Variants in TANGO6 observed in about 807,000 individuals in gnomAD.
TANGO6 encodes transport and golgi organization 6 homolog.
Under a neutral mutation model 114.2 loss-of-function variants are expected in TANGO6, and 90 were observed. That is an observed-to-expected ratio of 0.79 (90% confidence interval 0.66 to 0.94). The LOEUF (loss-of-function observed/expected upper bound fraction) is 0.94. TANGO6 is among the 40% of genes least tolerant of loss of function. TANGO6 has a pLI of 0.00. For synonymous variants in TANGO6, 477 were observed against 509.8 expected, an observed-to-expected ratio of 0.94 and a Z score of 0.87; for missense variants, 1,274 against 1,315.3, an observed-to-expected ratio of 0.97 and a Z score of 0.49.
At chr16:69,042,809 G>A (rs1959794294) in intron 17 of TANGO6, among the ~76,000 whole-genome samples, 1 of 152,168 alleles carries the variant, frequency 6.6e-6, no homozygotes, top group Non-Finnish European at 1.5e-5. Context: ...CAAAACTCTT[G>A]GCAAAGATGT....
chr16:68,972,670 T>G (rs1025649922), intron 14 of TANGO6, among the ~76,000 whole-genome samples: 3 of 152,160 alleles, frequency 2.0e-5, no homozygotes, highest in Non-Finnish European at 4.4e-5. Context: ...AAGAAAATCC[T>G]TGACTTTATT....
intron 15 of TANGO6, among the ~76,000 whole-genome samples, chr16:69,002,191 C>T (rs569846207): frequency 6.6e-6 from 1 of 152,204 alleles, no homozygotes; most frequent in South Asian, 2.1e-4. Flanking sequence ...TAGGTCCTCT[C>T]ATGTGAGCAT....
chr16:68,871,579 G>A (rs1962268805), intron 4 of TANGO6, among the ~76,000 whole-genome samples: 1 of 152,022 alleles, frequency 6.6e-6, no homozygotes, highest in African/African-American at 2.4e-5. Context: ...TTTTGTGTGT[G>A]TCTTCTTTTC....
intron 14 of TANGO6, among the ~76,000 whole-genome samples, chr16:68,940,064 C>T (rs1405840460): frequency 6.6e-6 from 1 of 150,574 alleles, no homozygotes; most frequent in Non-Finnish European, 1.5e-5. Context: ...CATTTCCTTT[C>T]TTTCCCTTCT....
intron 3 of TANGO6, among the ~76,000 whole-genome samples, chr16:68,865,440 A>T (rs1160416015): frequency 6.6e-6 from 1 of 152,148 alleles, no homozygotes; most frequent in Non-Finnish European, 1.5e-5. Context: ...CTCTCAAAAG[A>T]TAGAAGAGGA....
chr16:68,932,892 A>G (rs1465174574), intron 14 of TANGO6, among the ~76,000 whole-genome samples: 2 of 152,246 alleles, frequency 1.3e-5, no homozygotes, highest in Non-Finnish European at 2.9e-5. Flanking sequence ...TTACTATTCT[A>G]TCATAAAATG....
At chr16:68,979,600 T>G (rs1282278261) in intron 15 of TANGO6, among the ~76,000 whole-genome samples, 5 of 152,134 alleles carry the variant, frequency 3.3e-5, no homozygotes, top group East Asian at 3.9e-4. Flanking sequence ...ATATTATCAA[T>G]GTTTGTCTGT....
intron 17 of TANGO6, among the ~76,000 whole-genome samples, chr16:69,051,729 C>A (rs1597072696): frequency 6.6e-6 from 1 of 152,004 alleles, no homozygotes; most frequent in Non-Finnish European, 1.5e-5. Context: ...GCCTGTAATC[C>A]CAGCTACTCA....
chr16:68,962,854 G>A (rs939601280), intron 14 of TANGO6, among the ~76,000 whole-genome samples: 25 of 151,942 alleles, frequency 1.6e-4, no homozygotes, highest in Middle Eastern at 3.4e-3. Context: ...GGTCGAGGCG[G>A]GTGGATCACG....
At chr16:69,081,903 G>A (rs894395470) in intron 17 of TANGO6, among the ~76,000 whole-genome samples, 2 of 150,896 alleles carry the variant, frequency 1.3e-5, no homozygotes, top group Non-Finnish European at 2.9e-5. Flanking sequence ...GCTCGATCTC[G>A]GCTCACTGCA....
At chr16:68,988,826 G>A (rs1963921486) in intron 15 of TANGO6, among the ~76,000 whole-genome samples, 1 of 151,230 alleles carries the variant, frequency 6.6e-6, no homozygotes, top group Non-Finnish European at 1.5e-5. Flanking sequence ...AGTCTCCCAA[G>A]TAGCTAGGAC....
At chr16:69,030,862 C>T (rs1157909136) in intron 16 of TANGO6, among the ~76,000 whole-genome samples, 1 of 151,226 alleles carries the variant, frequency 6.6e-6, no homozygotes, top group Non-Finnish European at 1.5e-5. Flanking sequence ...CCATCCTGGC[C>T]AACATGGTGA....
At chr16:69,027,318 A>G (rs1368258275) in intron 16 of TANGO6, among the ~76,000 whole-genome samples, 2 of 152,172 alleles carry the variant, frequency 1.3e-5, no homozygotes, top group Non-Finnish European at 2.9e-5. Flanking sequence ...TACTCTTTTC[A>G]TTAAATTTCA....
intron 17 of TANGO6, among the ~76,000 whole-genome samples, chr16:69,073,197 T>C (rs2152243615): frequency 6.6e-6 from 1 of 152,290 alleles, no homozygotes; most frequent in East Asian, 1.9e-4. Flanking sequence ...GCTTGGAAAC[T>C]GCCTTCTTTT....
chr16:69,024,119 C>G (rs1959459825), intron 16 of TANGO6, among the ~76,000 whole-genome samples: 3 of 152,038 alleles, frequency 2.0e-5, no homozygotes, highest in Admixed American at 2.0e-4. Flanking sequence ...CCAGGTTGGT[C>G]TCGAACTCCT....
chr16:69,041,711 C>G lies in TANGO6; in HGVS notation c.3108+1290C>G, dbSNP rs370080047. On this transcript the variant is annotated intron_variant, in intron 17 of 17. Coordinates refer to ENST00000261778, the MANE Select transcript of TANGO6 (RefSeq NM_024562.2). The stretch of plus-strand genomic sequence containing the variant: ...CTGCATTTCTCCCCCTTCTCCTCCA[C>G]CTTGTATAGGTTGAGGTTTGGATTG... Among the ~76,000 whole-genome samples, 10 of 152,302 alleles carry G rather than the reference C, an allele frequency of 6.6e-5. No homozygotes were observed. The East Asian group carries it at 1.9e-3, about 29-fold the overall frequency.
intron 11 of TANGO6, among the ~76,000 whole-genome samples, chr16:68,912,851 G>A (rs1366484984): frequency 6.7e-6 from 1 of 149,844 alleles, no homozygotes; most frequent in South Asian, 2.1e-4. Flanking sequence ...CGAGGTGAGC[G>A]GAGCATTTGA....
At chr16:68,927,036 C>T (rs1331994851) in intron 12 of TANGO6, 2 of 155,156 alleles carry the variant, frequency 1.3e-5, no homozygotes, top group African/African-American at 4.8e-5. Flanking sequence ...ATATAATTTT[C>T]ACTTCCACTT....
chr16:68,991,075 A>G (rs895278236), intron 15 of TANGO6, among the ~76,000 whole-genome samples: 3 of 152,250 alleles, frequency 2.0e-5, no homozygotes, highest in African/African-American at 7.2e-5. Flanking sequence ...CAGAAGTGGG[A>G]TGTATATGGT....
Sources: gnomAD v4.1 joint callset for allele counts (sites outside exome capture counted in the v4.1 genomes callset) on GRCh38, gnomAD v4.1.1 for gene constraint, MANE v1.5 for transcripts, NCBI Gene and HGNC (gene_info 2026-07-23, HGNC 2026-07-21) for gene names.